Variants in GUCY1A2 observed in about 807,000 individuals in gnomAD.
GUCY1A2 encodes guanylate cyclase soluble subunit alpha-2.
GUCY1A2 carries 27 observed loss-of-function variants against 63.5 expected under a neutral mutation model. That is an observed-to-expected ratio of 0.43 (90% CI 0.31 to 0.59). GUCY1A2 has a LOEUF of 0.59. Ranked by LOEUF, GUCY1A2 falls within the 20% of genes least tolerant of loss-of-function variation. The pLI, the probability that GUCY1A2 is intolerant of heterozygous loss-of-function variation, is 0.11. For synonymous variants in GUCY1A2, 364 were observed against 343.5 expected (o/e 1.06, Z -0.66); for missense variants, 768 against 913.3 (o/e 0.84, Z 2.05).
chr11:106,801,375 T>C (rs1858601816), intron 5 of GUCY1A2, among the ~76,000 whole-genome samples: 1 of 152,164 alleles, frequency 6.6e-6, no homozygotes, highest in Non-Finnish European at 1.5e-5. Context: ...TTTGTCAAAG[T>C]TGTTGGAGAG....
intron 4 of GUCY1A2, chr11:106,936,637 GT>G (rs770162749): frequency 4.0e-6 from 6 of 1,488,622 alleles, no homozygotes; most frequent in Non-Finnish European, 5.4e-6. Context: ...ATCTGGAAGA[GT>G]TTTTTTCTAA....
rs1232064016 is a variant in GUCY1A2 at position 106,674,483 on chromosome 11, A to T, written c.*13066T>A. The T allele has an allele frequency of 1.1e-5, 2 of 176,722 alleles. No homozygotes were observed. The highest frequency in any genetic ancestry group is 4.7e-5 in the African/African-American group (2 of 42,294). The allele number at this position is 176,722 out of a possible 1,614,324, so 10.9% of individuals were successfully genotyped here. A position where few individuals can be genotyped will look rare whatever the true frequency, so the allele number is the denominator to read the frequency against. ...ACTACTAGATAAAGAAAAATATTTT[A>T]AAATATAATATGAAATACCAAATGA... On this transcript the variant is annotated 3_prime_UTR_variant, in exon 8 of 8. Transcript: ENST00000526355.
chr11:106,831,797 G>T (rs776805142), intron 4 of GUCY1A2, among the ~76,000 whole-genome samples: 5 of 152,122 alleles, frequency 3.3e-5, no homozygotes, highest in South Asian at 2.1e-4. Flanking sequence ...GGGATTTCAC[G>T]ATTGTTTGTT....
At chr11:106,894,929 C>G (rs1322624366) in intron 4 of GUCY1A2, among the ~76,000 whole-genome samples, 1 of 151,852 alleles carries the variant, frequency 6.6e-6, no homozygotes, top group Non-Finnish European at 1.5e-5. Flanking sequence ...AAATTGAAAA[C>G]AGGAAATAAA....
intron 7 of GUCY1A2, among the ~76,000 whole-genome samples, chr11:106,705,786 G>A (rs1446175752): frequency 6.6e-6 from 1 of 152,126 alleles, no homozygotes; most frequent in Non-Finnish European, 1.5e-5. Flanking sequence ...CTTGAACCCG[G>A]GAGGCGGAGG....
intron 6 of GUCY1A2, among the ~76,000 whole-genome samples, chr11:106,755,655 T>G (rs1393987624): frequency 1.3e-5 from 2 of 152,284 alleles, no homozygotes; most frequent in Non-Finnish European, 2.9e-5. Context: ...AGTTGTGCGG[T>G]TTTGAGTGAG....
At chr11:106,787,590 A>AAAGGGAGGGTG (rs1565289895) in intron 5 of GUCY1A2, among the ~76,000 whole-genome samples, 3 of 135,682 alleles carry the variant, frequency 2.2e-5, no homozygotes, top group African/African-American at 8.1e-5. Flanking sequence ...AAGAAAAAGG[A>AAAGGGAGGGTG]AGGGAAGGGA....
intron 5 of GUCY1A2, among the ~76,000 whole-genome samples, chr11:106,802,745 G>C (rs1031251650): frequency 2.0e-5 from 3 of 152,056 alleles, no homozygotes; most frequent in Admixed American, 6.6e-5. Context: ...TCCTCAAAGA[G>C]GAAAGAAAGC....
intron 4 of GUCY1A2, among the ~76,000 whole-genome samples, chr11:106,909,749 T>C (rs9971618): frequency 0.89 from 134,772 of 151,836 alleles, 59,907 homozygotes; most frequent in East Asian, 1. Context: ...TTTAACCATT[T>C]ACCCAGTTAA....
chr11:106,978,310 G>A (rs1225260404), intron 3 of GUCY1A2, among the ~76,000 whole-genome samples: 1 of 152,164 alleles, frequency 6.6e-6, no homozygotes, highest in African/African-American at 2.4e-5. Flanking sequence ...TACAACTTTA[G>A]CTGAGAATAA....
Position 106,687,502 on chromosome 11 carries a change from G to A in GUCY1A2, c.*47C>T, listed in dbSNP as rs1474556072. The A allele has an allele frequency of 7.1e-7, 1 of 1,412,458 alleles. No individual in the cohort carries two copies. Among genetic ancestry groups the A allele is most frequent in the Non-Finnish European group, 1.0e-6 (1 of 997,004 alleles). 87.5% of individuals were successfully genotyped at this position (1,412,458 alleles called of 1,614,324 possible). A position where few individuals can be genotyped will look rare whatever the true frequency, so the allele number is the denominator to read the frequency against. On this transcript the variant is annotated 3_prime_UTR_variant, in exon 8 of 8. Transcript: ENST00000526355. The stretch of plus-strand genomic sequence containing the variant: ...TTTCCACCCCCCATTGGTGACCCAT[G>A]TTCTGGGCTTGTGCTTTTTGGAGGA...
intron 6 of GUCY1A2, among the ~76,000 whole-genome samples, chr11:106,735,795 A>G (rs188242125): frequency 1.3e-5 from 2 of 152,136 alleles, no homozygotes; most frequent in Admixed American, 1.3e-4. Flanking sequence ...AGCAGGATTC[A>G]TTGTCATCTG....
intron 3 of GUCY1A2, among the ~76,000 whole-genome samples, chr11:106,943,805 T>C (rs990416551): frequency 3.9e-5 from 6 of 152,048 alleles, no homozygotes; most frequent in African/African-American, 1.4e-4. Flanking sequence ...GTAAATTACA[T>C]TATGGTTGGG....
intron 6 of GUCY1A2, among the ~76,000 whole-genome samples, chr11:106,764,443 T>C (rs1303165109): frequency 1.3e-5 from 2 of 152,120 alleles, no homozygotes; most frequent in Admixed American, 1.3e-4. Flanking sequence ...TTAGTAATAT[T>C]ATTTACTCTT....
Position 106,884,010 on chromosome 11 carries a change from G to A in GUCY1A2, c.1206+55450C>T, listed in dbSNP as rs189651287. ...AACAATGAGAACACTTGGACACAGG[G>A]TGGGAACATCACACACCAGGGCCTG... On this transcript the variant is annotated intron_variant, in intron 4 of 7. Coordinates refer to ENST00000526355, the MANE Select transcript of GUCY1A2 (RefSeq NM_000855.3). Among the ~76,000 whole-genome samples, 16 of 152,180 alleles carry A rather than the reference G, an allele frequency of 1.1e-4. No individual in the cohort carries two copies. The East Asian group carries it at 3.1e-3, about 29-fold the overall frequency.
At chr11:106,736,797 A>AT (rs1050586401) in intron 6 of GUCY1A2, among the ~76,000 whole-genome samples, 2 of 151,926 alleles carry the variant, frequency 1.3e-5, no homozygotes, top group South Asian at 2.1e-4. Context: ...TGTGTCTTCA[A>AT]TTTTTTTTAA....
intron 4 of GUCY1A2, among the ~76,000 whole-genome samples, chr11:106,856,271 C>A (rs1051849689): frequency 4.6e-5 from 7 of 152,010 alleles, no homozygotes; most frequent in African/African-American, 1.7e-4. Context: ...GCCTGGGCGA[C>A]AGAACAAGAC....
At chr11:106,706,232 T>C (rs1425838984) in intron 7 of GUCY1A2, among the ~76,000 whole-genome samples, 1 of 152,166 alleles carries the variant, frequency 6.6e-6, no homozygotes, top group Non-Finnish European at 1.5e-5. Flanking sequence ...CTACAGAATG[T>C]AATTCAGGGA....
intron 6 of GUCY1A2, among the ~76,000 whole-genome samples, chr11:106,749,740 C>T (rs971714478): frequency 6.6e-6 from 1 of 152,074 alleles, no homozygotes; most frequent in Non-Finnish European, 1.5e-5. Flanking sequence ...AAAACGTACT[C>T]GTACATTGCC....
Sources: allele counts gnomAD v4.1 joint callset (sites outside exome capture counted in the v4.1 genomes callset), GRCh38; gene constraint gnomAD v4.1.1; transcripts MANE v1.5; gene names NCBI Gene and HGNC (gene_info 2026-07-23, HGNC 2026-07-21).